KMT5C: variants seen among roughly 807,000 people sequenced by gnomAD.
The protein encoded by KMT5C is lysine methyltransferase 5C.
A neutral mutation model predicts 38.2 loss-of-function variants in KMT5C; 16 were observed. That is an observed-to-expected ratio of 0.42 (90% CI 0.28 to 0.64). The LOEUF is 0.64. Ranked by LOEUF, KMT5C falls within the 30% of genes least tolerant of loss-of-function variation. The pLI is 0.23. For missense variants in KMT5C, 598 were observed against 665.1 expected (o/e 0.90, Z 1.11); for synonymous variants, 291 against 279.0 (o/e 1.04, Z -0.43).
rs781574861 is a variant in KMT5C, at chr19:55,341,927, G to A, written c.-10G>A. The A allele has an allele frequency of 1.0e-5, 16 of 1,605,942 alleles. No homozygotes were observed. The highest frequency in any genetic ancestry group is 3.3e-5 in the Admixed American group (2 of 59,976). The stretch of plus-strand genomic sequence containing the variant: ...CTCTCTGCCAGAGGCAGCATGGTCC[G>A]CAGGGCACCATGGGGCCCGACAGAG... On this transcript the variant is annotated 5_prime_UTR_variant, in exon 2 of 9. Transcript: ENST00000255613.
In KMT5C at chr19:55,344,005, C is replaced by T; in HGVS notation, c.570+8C>T. On this transcript the variant is annotated splice_region_variant and intron_variant, in intron 6 of 8. Coordinates refer to ENST00000255613, the MANE Select transcript of KMT5C (RefSeq NM_032701.4). ...TGCAAACCCAACTGCAAGGTAAGGC[C>T]TTGGGACTCGGGAGGAGAGGGCACG... 1 of 1,610,886 alleles carries T rather than the reference C, an allele frequency of 6.2e-7. No homozygotes were observed. The highest frequency in any genetic ancestry group is 1.7e-4 in the Middle Eastern group (1 of 6,052).
At position 55,343,014 on chromosome 19, in the gene KMT5C, GGCTACCGTGGTGCC is replaced by G; in HGVS notation, c.386+167_386+180del. On this transcript the variant is annotated intron_variant, in intron 4 of 8. Coordinates refer to ENST00000255613, the MANE Select transcript of KMT5C (RefSeq NM_032701.4). The surrounding 1 kb of genome is among the most constrained non-coding windows in gnomAD (Gnocchi z 5.5). ...GGGGCTAATCCCGGAAGACCTTTGT[GGCTACCGTGGTGCC>G]GCTGGAGCAGGAGACCCCGGATGTG... 1 of 610,318 alleles carries G rather than the reference GGCTACCGTGGTGCC, an allele frequency of 1.6e-6. No homozygotes were observed. The highest frequency in any genetic ancestry group is 3.0e-6 in the Non-Finnish European group (1 of 337,472). The allele number at this position is 610,318 out of a possible 1,614,324, so 37.8% of individuals were successfully genotyped here.
At chr19:55,345,039 A>G (rs1273125802) in intron 6 of KMT5C, 6 of 456,014 alleles carry the variant, frequency 1.3e-5, no homozygotes, top group Non-Finnish European at 2.6e-5. Context: ...GACACCACAC[A>G]CAGACGCTGG....
At chr19:55,341,739 C>T (rs1306120393) in intron 1 of KMT5C, 55 bp from the exon 2 acceptor site, 2 of 592,354 alleles carry the variant, frequency 3.4e-6, no homozygotes, top group South Asian at 4.0e-5. Context: ...TTGTTGCATT[C>T]CATCTTCGCC....
chr19:55,340,042 C>G (rs2089539071), intron 1 of KMT5C, 85 bp downstream of exon 1: 1 of 151,808 alleles, frequency 6.6e-6, no homozygotes, highest in African/African-American at 2.4e-5. Context: ...GCCCCCTGCC[C>G]CGACTGCCCC....
At position 55,346,252 on chromosome 19, in the gene KMT5C, C is replaced by T; in HGVS notation, c.610C>T (p.Leu204Phe). ...TGGGAACGCAGCCTGCGTGAAGGTGCTCCGGGACATTGAGCCTGGGGACGA... is the reference window on the plus strand; with the variant it reads ...TGGGAACGCAGCCTGCGTGAAGGTGTTCCGGGACATTGAGCCTGGGGACGA... Reference protein sequence around the residue: ...ADGNAACVKVLRDIEPGDEVT... With the variant: ...ADGNAACVKVFRDIEPGDEVT... Residue 204 changes from leucine to phenylalanine, a missense_variant, in exon 7 of 9, where the codon CTC becomes TTC. Physicochemically the swap from Leu to Phe is conservative, Grantham distance 22. Around this residue, in one of 3 missense-constraint regions of KMT5C, gnomAD observed 105 missense variants for 179.2 expected, o/e 0.59. Coordinates refer to ENST00000255613, the MANE Select transcript of KMT5C (RefSeq NM_032701.4). 6.2e-7 allele frequency: 1 copy of T among 1,614,040 alleles called. No homozygotes were observed. Among genetic ancestry groups the T allele is most frequent in the Non-Finnish European group, 8.5e-7 (1 of 1,179,962 alleles).
chr19:55,343,118 C>A lies in KMT5C; in HGVS notation c.386+267C>A. 1 of 438,942 alleles carries A rather than the reference C, an allele frequency of 2.3e-6. No individual in the cohort carries two copies. The highest frequency in any genetic ancestry group is 4.2e-6 in the Non-Finnish European group (1 of 237,840). 27.2% of individuals were successfully genotyped at this position (438,942 alleles called of 1,614,324 possible). The stretch of plus-strand genomic sequence containing the variant: ...TCTGGTCAGGGCCGTGCTGTCCTTA[C>A]CTCCTTGTGACCTGAGCCCCCACCA... On this transcript the variant is annotated intron_variant, in intron 4 of 8. Transcript: ENST00000255613. This position sits in a 1 kb window ranked among gnomAD's most constrained non-coding sequence, Gnocchi z 5.5.
At position 55,343,382 on chromosome 19, in the gene KMT5C, G is replaced by T. The variant is rs995950076; in HGVS notation, c.387-298G>T. 1.1e-5 allele frequency: 5 copies of T among 460,850 alleles called. No homozygotes were observed. Among genetic ancestry groups the T allele is most frequent in the Non-Finnish European group, 2.0e-5 (5 of 251,234 alleles). 28.5% of individuals were successfully genotyped at this position (460,850 alleles called of 1,614,324 possible). A position where few individuals can be genotyped will look rare whatever the true frequency, so the allele number is the denominator to read the frequency against. On this transcript the variant is annotated intron_variant, in intron 4 of 8. Coordinates refer to ENST00000255613, the MANE Select transcript of KMT5C (RefSeq NM_032701.4). This position sits in a 1 kb window ranked among gnomAD's most constrained non-coding sequence, Gnocchi z 5.5. Reference sequence around the variant, plus strand: ...AGTAGGGGGTAGTCCAGGCAGGAGGGATTTGGGGGCAGGAGGTGCTATGAG... The same window carrying T: ...AGTAGGGGGTAGTCCAGGCAGGAGGTATTTGGGGGCAGGAGGTGCTATGAG...
In KMT5C at chr19:55,344,075, A is replaced by G. The variant is rs1452695185; in HGVS notation, c.570+78A>G. On this transcript the variant is annotated intron_variant, in intron 6 of 8. Transcript: ENST00000255613. ...TGGCCTGGGGAAAGGGTTTTTGGTC[A>G]GTAAAGAGCCAAACACCGGCCGGGC... 5 of 1,521,550 alleles carry G rather than the reference A, an allele frequency of 3.3e-6. No homozygotes were observed. In the African/African-American group the frequency reaches 5.5e-5, roughly 17 times the overall value. The allele number at this position is 1,521,550 out of a possible 1,614,324, so 94.3% of individuals were successfully genotyped here.
Position 55,344,397 on chromosome 19 carries a change from A to G in KMT5C, c.570+400A>G, listed in dbSNP as rs369792474. 1.7e-4 allele frequency: 50 copies of G among 289,976 alleles called. 1 individual carries two copies. The highest frequency in any genetic ancestry group is 1.5e-3 in the South Asian group (48 of 32,670). 18.0% of individuals were successfully genotyped at this position (289,976 alleles called of 1,614,324 possible). A position where few individuals can be genotyped will look rare whatever the true frequency, so the allele number is the denominator to read the frequency against. ...AAAAAAAAGAGCCAAATGCTGCCCCATGTCTCCATGGCTTCCCACGGGTCC... is the reference window on the plus strand; with the variant it reads ...AAAAAAAAGAGCCAAATGCTGCCCCGTGTCTCCATGGCTTCCCACGGGTCC... On this transcript the variant is annotated intron_variant, in intron 6 of 8. Transcript: ENST00000255613.
At chr19:55,344,040 A>C in intron 6 of KMT5C, 43 bp downstream of exon 6, 1 of 1,600,068 alleles carries the variant, frequency 6.2e-7, no homozygotes, top group South Asian at 1.1e-5. Flanking sequence ...GCAGGAAGAA[A>C]GGGTGCCTGT....
intron 6 of KMT5C, chr19:55,344,534 C>T: frequency 2.7e-6 from 1 of 371,062 alleles, no homozygotes; most frequent in South Asian, 2.1e-5. Flanking sequence ...ACCCTGGTTG[C>T]CAGCTGCTGG....
chr19:55,340,564 C>T lies in KMT5C; in HGVS notation c.-144+607C>T, dbSNP rs533893949. Among the ~76,000 whole-genome samples the T allele has an allele frequency of 2.0e-5, 3 of 152,000 alleles. No homozygotes were observed. In the South Asian group the frequency reaches 6.2e-4, roughly 32 times the overall value. ...CTACCCAGGCGCCTCCCTGGGTCCC[C>T]AGGCCCTTCCCTAGGGTCTCCCTTT... On this transcript the variant is annotated intron_variant, in intron 1 of 8. Coordinates refer to ENST00000255613, the MANE Select transcript of KMT5C (RefSeq NM_032701.4).
rs1161042558 is a variant in KMT5C, at chr19:55,347,664, G to T, written c.*215G>T. 1.4e-6 allele frequency: 1 copy of T among 726,978 alleles called. No homozygotes were observed. Among genetic ancestry groups the T allele is most frequent in the Admixed American group, 3.8e-5 (1 of 26,276 alleles). The allele number at this position is 726,978 out of a possible 1,614,324, so 45.0% of individuals were successfully genotyped here. ...CCTGAGCCACCCCCACTCCCACAGG[G>T]AGCCCCGGCCATTTGCTGCCCTCCC... is the stretch of plus-strand genomic sequence containing the variant. On this transcript the variant is annotated 3_prime_UTR_variant, in exon 9 of 9. Coordinates refer to ENST00000255613, the MANE Select transcript of KMT5C (RefSeq NM_032701.4). This position sits in a 1 kb window ranked among gnomAD's most constrained non-coding sequence, Gnocchi z 4.6.
Position 55,343,859 on chromosome 19 carries a change from G to T in KMT5C, c.550+16G>T. 6.2e-7 allele frequency: 1 copy of T among 1,613,278 alleles called. No individual in the cohort carries two copies. Among genetic ancestry groups the T allele is most frequent in the Non-Finnish European group, 8.5e-7 (1 of 1,179,462 alleles). ...ATCAACCATGGTGAGGGTCAGGCAG[G>T]TGGATGGGCAGGACGGGATAGAGCC... is the stretch of plus-strand genomic sequence containing the variant. On this transcript the variant is annotated intron_variant, in intron 5 of 8. Coordinates refer to ENST00000255613, the MANE Select transcript of KMT5C (RefSeq NM_032701.4). The surrounding 1 kb of genome is among the most constrained non-coding windows in gnomAD (Gnocchi z 5.5).
In KMT5C at chr19:55,342,382, T is replaced by G; in HGVS notation, c.276+2T>G. On this transcript the variant is annotated splice_donor_variant, in intron 3 of 8. Coordinates refer to ENST00000255613, the MANE Select transcript of KMT5C (RefSeq NM_032701.4). LOFTEE classifies it high-confidence loss of function. The stretch of plus-strand genomic sequence containing the variant: ...CAGGAGGCTGCCCTCAAGACCCACG[T>G]GAGGGCGCCCTCCCCTCCCCCGCCC... 1 of 1,499,550 alleles carries G rather than the reference T, an allele frequency of 6.7e-7. No homozygotes were observed. Among genetic ancestry groups the G allele is most frequent in the Non-Finnish European group, 8.9e-7 (1 of 1,125,556 alleles). The allele number at this position is 1,499,550 out of a possible 1,614,324, so 92.9% of individuals were successfully genotyped here.
Position 55,346,697 on chromosome 19 carries a change from C to A in KMT5C, c.895+10C>A. ...CGGGACCCATTCTGCGGTGAGCACC[C>A]CTCCCTGCCATCCCAGCAGCCCCTC... On this transcript the variant is annotated intron_variant, in intron 8 of 8. Transcript: ENST00000255613. The A allele has an allele frequency of 6.5e-7, 1 of 1,538,634 alleles. No individual in the cohort carries two copies. Among genetic ancestry groups the A allele is most frequent in the South Asian group, 1.2e-5 (1 of 82,150 alleles).
At position 55,342,265 on chromosome 19, in the gene KMT5C, C is replaced by CT; in HGVS notation, c.164dup (p.Leu56ProfsTer78). ...CAGCACCTGCGCTCAGCGCTGGAAACTTTCCTGAGGCAGCGGGACCTGGAG... is the reference window on the plus strand; with the variant it reads ...CAGCACCTGCGCTCAGCGCTGGAAACTTTTCCTGAGGCAGCGGGACCTGGAG... On this transcript the variant is annotated frameshift_variant, in exon 3 of 9. Transcript: ENST00000255613. LOFTEE classifies it high-confidence loss of function. 6.2e-7 allele frequency: 1 copy of CT among 1,608,592 alleles called. No homozygotes were observed. The highest frequency in any genetic ancestry group is 8.5e-7 in the Non-Finnish European group (1 of 1,178,390).
chr19:55,341,543 A>ATG (rs1491195060), intron 1 of KMT5C: 15 of 194,208 alleles, frequency 7.7e-5, no homozygotes, highest in Non-Finnish European at 1.4e-4. Context: ...GCCCAAAGAG[A>ATG]TGTGTGTGTG....
Sources: gnomAD v4.1 joint callset for allele counts (sites outside exome capture counted in the v4.1 genomes callset) on GRCh38, gnomAD v4.1.1 for gene constraint, gnomAD v4.1.1 regional missense constraint, Gnocchi (gnomAD v3.1) non-coding constraint, MANE v1.5 for transcripts, NCBI Gene and HGNC (gene_info 2026-07-23, HGNC 2026-07-21) for gene names.